RUFY1: variants seen among roughly 807,000 people sequenced by gnomAD.
RUFY1 encodes the protein RUN and FYVE domain-containing protein 1.
Under a neutral mutation model 94.6 loss-of-function variants are expected in RUFY1, and 54 were observed. The ratio of observed to expected loss-of-function variants is 0.57; its 90% CI spans 0.46 to 0.72. The LOEUF is 0.72. Among genes scored for constraint, RUFY1 ranks in the 30% least tolerant of loss-of-function variants. RUFY1 has a pLI of 0.00. For missense variants in RUFY1, 883 were observed against 883.9 expected (o/e 1.00, Z 0.01); for synonymous variants, 396 against 347.3 (o/e 1.14, Z -1.56).
At chr5:179,585,708 A>G in intron 7 of RUFY1, 88 bp from the exon 8 acceptor site, 1 of 958,240 alleles carries the variant, frequency 1.0e-6, no homozygotes, top group Non-Finnish European at 1.7e-6. Context: ...CATACAGGAA[A>G]TCTAGGAATC....
intron 3 of RUFY1, 187 bp downstream of exon 3, chr5:179,562,851 G>T (rs1436643113): frequency 2.4e-5 from 13 of 537,732 alleles, no homozygotes; most frequent in African/African-American, 3.8e-5. Flanking sequence ...AATGGGGACA[G>T]TGATTCCTGC....
At chr5:179,599,909 C>T (rs933189396) in intron 14 of RUFY1, among the ~76,000 whole-genome samples, 3 of 152,310 alleles carry the variant, frequency 2.0e-5, no homozygotes, top group Non-Finnish European at 2.9e-5. Flanking sequence ...CTGCACGATT[C>T]GAGCGAGTCA....
chr5:179,604,920 G>A (rs573908586), intron 15 of RUFY1, among the ~76,000 whole-genome samples: 10 of 149,976 alleles, frequency 6.7e-5, no homozygotes, highest in Non-Finnish European at 1.2e-4. Flanking sequence ...GGAAGCAGAG[G>A]TTGCAGTGAG....
Position 179,580,235 on chromosome 5 carries a change from GTGTGTGTA to G in RUFY1, c.891-710_891-703del, listed in dbSNP as rs1310698484. ...TGTGTGTGTGTGTGTGTGTGTGTGTGTGTGTGTATATTTTTTTTTTTTTTTGAGACGGA... is the reference window on the plus strand; with the variant it reads ...TGTGTGTGTGTGTGTGTGTGTGTGTGTATTTTTTTTTTTTTTTGAGACGGA... On this transcript the variant is annotated intron_variant, in intron 6 of 17. Coordinates refer to ENST00000319449, the MANE Select transcript of RUFY1 (RefSeq NM_025158.5). Among the ~76,000 whole-genome samples, 56 of 53,474 alleles carry G rather than the reference GTGTGTGTA, an allele frequency of 1.0e-3. 2 individuals carry two copies. The highest frequency in any genetic ancestry group is 3.4e-3 in the African/African-American group (54 of 15,908). 35.1% of individuals were successfully genotyped at this position (53,474 alleles called of 152,430 possible). A position where few individuals can be genotyped will look rare whatever the true frequency, so the allele number is the denominator to read the frequency against.
intron 3 of RUFY1, among the ~76,000 whole-genome samples, chr5:179,566,947 A>G (rs2127521234): frequency 6.6e-6 from 1 of 152,104 alleles, no homozygotes; most frequent in African/African-American, 2.4e-5. Flanking sequence ...CCAGCTACTC[A>G]GGAGGCTGAG....
At chr5:179,579,654 C>CTTT (rs1554118772) in intron 6 of RUFY1, among the ~76,000 whole-genome samples, 3 of 38,638 alleles carry the variant, frequency 7.8e-5, no homozygotes, top group African/African-American at 1.6e-4. Flanking sequence ...CCCTTTTCTT[C>CTTT]TTCTTTTTTT....
chr5:179,594,943 C>A lies in RUFY1; in HGVS notation c.1491C>A (p.Ser497Arg). Residue 497 changes from serine (S) to arginine (R), a missense_variant, in exon 12 of 18, where the codon AGC (serine) becomes AGA (arginine). Coordinates refer to ENST00000319449, the MANE Select transcript of RUFY1 (RefSeq NM_025158.5). ...FEGKTNQVMS[S>R]MKQMEERLQH... ...GAAAAACCAACCAAGTTATGTCCAG[C>A]ATGAAACAAATGGAAGAAAGGTAAT... The A allele has an allele frequency of 6.2e-7, 1 of 1,611,020 alleles. No individual in the cohort carries two copies.
At chr5:179,589,782 C>T in intron 9 of RUFY1, 135 bp downstream of exon 9, 1 of 707,296 alleles carries the variant, frequency 1.4e-6, no homozygotes. Context: ...AAGGGCCTCT[C>T]ACTGCGGTCC....
intron 10 of RUFY1, among the ~76,000 whole-genome samples, chr5:179,592,365 G>T (rs1004387741): frequency 6.6e-6 from 1 of 152,088 alleles, no homozygotes; most frequent in Non-Finnish European, 1.5e-5. Flanking sequence ...TGATCCGCCC[G>T]CCTGAGCCTC....
Position 179,591,806 on chromosome 5 carries a change from T to G in RUFY1, c.1245+65T>G. The G allele has an allele frequency of 3.2e-6, 3 of 948,638 alleles. No homozygotes were observed. The South Asian group carries it at 5.2e-5, about 17-fold the overall frequency. The allele number at this position is 948,638 out of a possible 1,614,324, so 58.8% of individuals were successfully genotyped here. On this transcript the variant is annotated intron_variant, in intron 10 of 17. Transcript: ENST00000319449. ...CCGTAGTGTTAATTCTGTCAACACT[T>G]TTCATAGACATGCTTCACCATCCTG... is the stretch of plus-strand genomic sequence containing the variant.
At chr5:179,593,744 C>T in intron 11 of RUFY1, 99 bp downstream of exon 11, 5 of 1,490,856 alleles carry the variant, frequency 3.4e-6, no homozygotes, top group Non-Finnish European at 1.8e-6. Context: ...CACATAGAGC[C>T]CCTCGTATGT....
At chr5:179,609,292 T>C in intron 17 of RUFY1, 84 bp from the exon 18 acceptor site, 2 of 1,414,882 alleles carry the variant, frequency 1.4e-6, no homozygotes, top group South Asian at 1.3e-5. Context: ...CAGCAAATGA[T>C]GCGCTTCTGG....
intron 9 of RUFY1, among the ~76,000 whole-genome samples, 162 bp downstream of exon 9, chr5:179,589,809 C>CA (rs1562054857): frequency 6.6e-6 from 1 of 152,230 alleles, no homozygotes; most frequent in Non-Finnish European, 1.5e-5. Context: ...ACATCACTCT[C>CA]AGACCACCTG....
chr5:179,588,105 T>C (rs1225458326), intron 8 of RUFY1, among the ~76,000 whole-genome samples: 2 of 152,214 alleles, frequency 1.3e-5, no homozygotes, highest in Non-Finnish European at 1.5e-5. Flanking sequence ...TTTGCCTGCT[T>C]CTTCCCTTCG....
intron 13 of RUFY1, among the ~76,000 whole-genome samples, chr5:179,597,575 T>C (rs1054612444): frequency 6.6e-6 from 1 of 152,152 alleles, no homozygotes; most frequent in East Asian, 1.9e-4. Context: ...TTTTGCCATG[T>C]TGGCCAGGCT....
At chr5:179,590,521 G>C (rs146243815) in intron 9 of RUFY1, among the ~76,000 whole-genome samples, 2 of 151,342 alleles carry the variant, frequency 1.3e-5, no homozygotes, top group Non-Finnish European at 2.9e-5. Context: ...GTCTCCCTCT[G>C]TCGCCCAGGC....
At chr5:179,559,798 GCCCAGT>G (rs1303653245) in intron 1 of RUFY1, 2 of 1,290,644 alleles carry the variant, frequency 1.5e-6, no homozygotes, top group Non-Finnish European at 2.0e-6. Context: ...GGAGCAGGAG[GCCCAGT>G]GGCTCTTCTG....
chr5:179,609,769 A>C lies in RUFY1; in HGVS notation c.*250A>C. 2.4e-6 allele frequency: 1 copy of C among 417,518 alleles called. No individual in the cohort carries two copies. The highest frequency in any genetic ancestry group is 3.9e-5 in the East Asian group (1 of 25,700). The allele number at this position is 417,518 out of a possible 1,614,324, so 25.9% of individuals were successfully genotyped here. ...ACATCACGGCTCTGGTTCAGATACA[A>C]CTTCATGATTTTGCTACTATCATTT... On this transcript the variant is annotated 3_prime_UTR_variant, in exon 18 of 18. Transcript: ENST00000319449.
rs940313256 is a variant in RUFY1 at position 179,585,996 on chromosome 5, C to T, written c.1026+131C>T. 3.6e-5 allele frequency: 25 copies of T among 704,096 alleles called. No homozygotes were observed. In the East Asian group the frequency reaches 5.1e-4, roughly 14 times the overall value. 43.6% of individuals were successfully genotyped at this position (704,096 alleles called of 1,614,324 possible). A position where few individuals can be genotyped will look rare whatever the true frequency, so the allele number is the denominator to read the frequency against. On this transcript the variant is annotated intron_variant, in intron 8 of 17. Transcript: ENST00000319449. The stretch of plus-strand genomic sequence containing the variant: ...GACTTGCTAGCCTCCAGCTACCCCA[C>T]GTGGGACAGGAGAATGTCTGTGTTC...
Sources: gnomAD v4.1 joint callset for allele counts (sites outside exome capture counted in the v4.1 genomes callset) on GRCh38, gnomAD v4.1.1 for gene constraint, MANE v1.5 for transcripts, NCBI Gene and HGNC (gene_info 2026-07-23, HGNC 2026-07-21) for gene names.